The following MSRB3 variants were observed in gnomAD, a reference collection of about 807,000 sequenced individuals.
The protein encoded by MSRB3 is methionine-R-sulfoxide reductase B3.
Under a neutral mutation model 21.0 loss-of-function variants are expected in MSRB3, and 13 were observed. That is an observed-to-expected ratio of 0.62 (90% CI 0.40 to 0.98). MSRB3 has a LOEUF of 0.98. MSRB3 is among the 50% of genes least tolerant of loss of function. The probability of loss-of-function intolerance (pLI) is 0.00; values close to 1 mark genes in which losing one functional copy is unlikely to be tolerated. For synonymous variants in MSRB3, 87 were observed against 88.6 expected (o/e 0.98, Z 0.10); for missense variants, 199 against 230.3 (o/e 0.86, Z 0.88).
intron 5 of MSRB3, among the ~76,000 whole-genome samples, chr12:65,379,900 G>T (rs1220384905): frequency 6.6e-6 from 1 of 152,146 alleles, no homozygotes. Flanking sequence ...ATTTGCATGT[G>T]CATGTAGAGC....
intron 5 of MSRB3, among the ~76,000 whole-genome samples, chr12:65,397,196 T>C (rs749650193): frequency 2.0e-5 from 3 of 152,226 alleles, no homozygotes; most frequent in Non-Finnish European, 4.4e-5. Flanking sequence ...TATCTTTTGA[T>C]TGGTGTCAGC....
intron 5 of MSRB3, among the ~76,000 whole-genome samples, chr12:65,446,567 G>A (rs1013198341): frequency 7.2e-5 from 11 of 152,108 alleles, no homozygotes; most frequent in African/African-American, 2.7e-4. Context: ...ATGATAAACT[G>A]AGCATACATG....
chr12:65,284,944 A>T (rs1396734706), intron 1 of MSRB3: 2 of 152,178 alleles, frequency 1.3e-5, no homozygotes, highest in Non-Finnish European at 2.9e-5. Flanking sequence ...CTTTCTTCAG[A>T]TAAAGGACTG....
At chr12:65,338,232 T>A (rs1277730328) in intron 4 of MSRB3, among the ~76,000 whole-genome samples, 1 of 152,230 alleles carries the variant, frequency 6.6e-6, no homozygotes, top group African/African-American at 2.4e-5. Flanking sequence ...CAAATGCTTC[T>A]GCTGTGGGCT....
chr12:65,337,656 CT>C (rs1323790663), intron 4 of MSRB3, among the ~76,000 whole-genome samples: 2 of 152,032 alleles, frequency 1.3e-5, no homozygotes, highest in Non-Finnish European at 2.9e-5. Context: ...AAAACTGCCA[CT>C]TTAAATAAAT....
At chr12:65,292,384 A>G (rs1039087401) in intron 1 of MSRB3, among the ~76,000 whole-genome samples, 1 of 152,232 alleles carries the variant, frequency 6.6e-6, no homozygotes, top group Non-Finnish European at 1.5e-5. Flanking sequence ...TGAATTACTT[A>G]GCACAGTAAT....
intron 6 of MSRB3, among the ~76,000 whole-genome samples, chr12:65,462,669 A>G (rs1418631816): frequency 6.6e-6 from 1 of 152,176 alleles, no homozygotes; most frequent in Non-Finnish European, 1.5e-5. Flanking sequence ...AGAACATCCA[A>G]TACTTGTCTG....
intron 5 of MSRB3, among the ~76,000 whole-genome samples, chr12:65,407,273 T>G (rs940083569): frequency 1.3e-5 from 2 of 152,072 alleles, no homozygotes; most frequent in African/African-American, 4.8e-5. Flanking sequence ...AAGAAAGTCT[T>G]TATTACTTTC....
chr12:65,372,930 C>T (rs1049166964), intron 5 of MSRB3, among the ~76,000 whole-genome samples: 6 of 152,312 alleles, frequency 3.9e-5, no homozygotes, highest in South Asian at 4.1e-4. Flanking sequence ...AGCTAGGCAC[C>T]TTTGGAAATT....
At chr12:65,408,970 C>T (rs1200447960) in intron 5 of MSRB3, among the ~76,000 whole-genome samples, 1 of 152,138 alleles carries the variant, frequency 6.6e-6, no homozygotes, top group Non-Finnish European at 1.5e-5. Flanking sequence ...TTTCTGTGAT[C>T]TTCACTGTGA....
intron 4 of MSRB3, among the ~76,000 whole-genome samples, chr12:65,348,553 A>G (rs1876694339): frequency 6.6e-6 from 1 of 151,874 alleles, no homozygotes; most frequent in Admixed American, 6.6e-5. Context: ...GGATTCACTG[A>G]TTTTTTGAAG....
chr12:65,450,774 GA>G (rs1882820253), intron 5 of MSRB3, among the ~76,000 whole-genome samples: 1 of 152,124 alleles, frequency 6.6e-6, no homozygotes. Flanking sequence ...ATTACCCTTT[GA>G]AGCACTTTCC....
At chr12:65,306,737 T>C in intron 1 of MSRB3, 1 of 679,090 alleles carries the variant, frequency 1.5e-6, no homozygotes, top group Non-Finnish European at 1.8e-6. Flanking sequence ...GCCCTGGCTA[T>C]TTGGGTAGAA....
intron 5 of MSRB3, among the ~76,000 whole-genome samples, chr12:65,420,654 G>A (rs1881244112): frequency 6.6e-6 from 1 of 152,052 alleles, no homozygotes; most frequent in Non-Finnish European, 1.5e-5. Context: ...GTAGGCCCCA[G>A]TGTCTGTTGT....
intron 5 of MSRB3, among the ~76,000 whole-genome samples, chr12:65,445,257 A>G (rs1297126367): frequency 1.3e-5 from 2 of 151,964 alleles, no homozygotes; most frequent in Non-Finnish European, 1.5e-5. Context: ...AAGCTTCATT[A>G]TTTCTGTTCC....
In MSRB3 at chr12:65,345,756, G is replaced by T. The variant is rs113594075; in HGVS notation, c.263+17153G>T. Among the ~76,000 whole-genome samples, 815 of 151,914 alleles carry T rather than the reference G, an allele frequency of 5.4e-3. 5 individuals carry two copies. Among genetic ancestry groups the T allele is most frequent in the African/African-American group, 0.019 (776 of 41,452 alleles). On this transcript the variant is annotated intron_variant, in intron 4 of 6. Coordinates refer to ENST00000308259, the MANE Select transcript of MSRB3 (RefSeq NM_001031679.3). Reference sequence around the variant, plus strand: ...CTCACCCCACCCCACAACACGCCACGGTGTGTGATGTTCCCCTTCCTGTGT... The same window carrying T: ...CTCACCCCACCCCACAACACGCCACTGTGTGTGATGTTCCCCTTCCTGTGT...
intron 5 of MSRB3, among the ~76,000 whole-genome samples, chr12:65,385,668 C>A (rs1188372356): frequency 2.0e-5 from 3 of 151,848 alleles, no homozygotes; most frequent in Non-Finnish European, 4.4e-5. Context: ...TTATCTGTTA[C>A]TTTTATCCCC....
intron 5 of MSRB3, among the ~76,000 whole-genome samples, chr12:65,438,813 G>T (rs1882240359): frequency 6.6e-6 from 1 of 151,382 alleles, no homozygotes; most frequent in African/African-American, 2.4e-5. Flanking sequence ...ATAATTCTTT[G>T]TTTGTGAGCA....
intron 1 of MSRB3, among the ~76,000 whole-genome samples, chr12:65,307,612 G>A (rs985871210): frequency 6.6e-6 from 1 of 152,044 alleles, no homozygotes; most frequent in Non-Finnish European, 1.5e-5. Flanking sequence ...TGCATTTAAA[G>A]TTAATCTTTA....
Sources: allele counts gnomAD v4.1 joint callset (sites outside exome capture counted in the v4.1 genomes callset), GRCh38; gene constraint gnomAD v4.1.1; transcripts MANE v1.5; gene names NCBI Gene and HGNC (gene_info 2026-07-23, HGNC 2026-07-21).